KLHL1: variants seen among roughly 807,000 people sequenced by gnomAD.
The protein encoded by KLHL1 is kelch-like protein 1.
A neutral mutation model predicts 77.7 loss-of-function variants in KLHL1; 47 were observed. That is an observed-to-expected ratio of 0.60 (90% CI 0.48 to 0.77). The LOEUF is 0.77. KLHL1 is among the 30% of genes least tolerant of loss of function. KLHL1 has a pLI of 0.00. For missense variants in KLHL1, 925 were observed against 910.8 expected (o/e 1.02, Z -0.20); for synonymous variants, 360 against 325.2 (o/e 1.11, Z -1.15).
At chr13:70,065,635 T>A (rs1372232) in intron 1 of KLHL1, among the ~76,000 whole-genome samples, 150,303 of 152,314 alleles carry the variant, frequency 0.99, 74,187 homozygotes, top group East Asian at 1. Context: ...AATTTTAGGG[T>A]ACAAAAGATT....
At chr13:69,813,532 T>G (rs894844566) in intron 6 of KLHL1, among the ~76,000 whole-genome samples, 1 of 150,256 alleles carries the variant, frequency 6.7e-6, no homozygotes, top group South Asian at 2.1e-4. Context: ...ACCCTAGACT[T>G]GATAAACAAC....
At chr13:69,758,957 C>T (rs769236855) in intron 7 of KLHL1, among the ~76,000 whole-genome samples, 2 of 151,892 alleles carry the variant, frequency 1.3e-5, no homozygotes, top group African/African-American at 4.8e-5. Context: ...ACACAGGTAC[C>T]CTCCCTAATG....
chr13:69,840,981 T>A (rs1879236014), intron 5 of KLHL1, among the ~76,000 whole-genome samples: 1 of 151,976 alleles, frequency 6.6e-6, no homozygotes. Context: ...AATTTATGTA[T>A]ATGTAAAGCT....
intron 1 of KLHL1, among the ~76,000 whole-genome samples, chr13:70,032,372 G>A (rs949285881): frequency 6.6e-6 from 1 of 152,122 alleles, no homozygotes; most frequent in Non-Finnish European, 1.5e-5. Flanking sequence ...TCAGCCCTTA[G>A]ATTTTGACAA....
Position 69,796,905 on chromosome 13 carries a change from A to T in KLHL1, c.1472T>A (p.Met491Lys). ...LRTNLWIQAGMMNGRRLQFGV... is the reference protein window; with the variant it reads ...LRTNLWIQAGKMNGRRLQFGV... ...AAACTGCAGCCTTCTGCCATTCATC[A>T]TCCCTGCCTGGATCCACAGATTTGT... Residue 491 changes from methionine to lysine, a missense_variant, in exon 7 of 11, where the codon ATG (methionine) becomes AAG (lysine). By Grantham distance (95) the Met-to-Lys change is moderately conservative. Coordinates refer to ENST00000377844, the MANE Select transcript of KLHL1 (RefSeq NM_020866.3). 1.2e-6 allele frequency: 2 copies of T among 1,614,124 alleles called. No individual in the cohort carries two copies. The highest frequency in any genetic ancestry group is 1.3e-5 in the African/African-American group (1 of 75,032).
chr13:70,062,007 A>T (rs568862308), intron 1 of KLHL1, among the ~76,000 whole-genome samples: 1 of 152,244 alleles, frequency 6.6e-6, no homozygotes, highest in South Asian at 2.1e-4. Context: ...AGTTAGCCAT[A>T]TTCACCCTGC....
chr13:69,987,440 A>G (rs1884903029), intron 1 of KLHL1, among the ~76,000 whole-genome samples: 1 of 152,096 alleles, frequency 6.6e-6, no homozygotes, highest in Non-Finnish European at 1.5e-5. Flanking sequence ...ATTTTCAGCT[A>G]TTCAATAAAA....
chr13:69,714,898 T>C (rs1290091825), intron 9 of KLHL1, among the ~76,000 whole-genome samples: 1 of 152,134 alleles, frequency 6.6e-6, no homozygotes, highest in Non-Finnish European at 1.5e-5. Context: ...CCGGCCGATA[T>C]CCTTCTATCT....
intron 1 of KLHL1, among the ~76,000 whole-genome samples, chr13:69,994,731 T>C (rs1885108029): frequency 6.6e-6 from 1 of 152,144 alleles, no homozygotes; most frequent in African/African-American, 2.4e-5. Flanking sequence ...CTAAATCTTG[T>C]AGGGGTTAAC....
chr13:69,971,570 T>C (rs1389914390), intron 2 of KLHL1, among the ~76,000 whole-genome samples: 7 of 152,026 alleles, frequency 4.6e-5, no homozygotes. Context: ...TATCTCTACT[T>C]AAAATAGTAT....
At chr13:70,080,035 T>C (rs1887356883) in intron 1 of KLHL1, among the ~76,000 whole-genome samples, 1 of 152,188 alleles carries the variant, frequency 6.6e-6, no homozygotes, top group Non-Finnish European at 1.5e-5. Flanking sequence ...AAGGGATTTG[T>C]GGATAGGTAC....
At position 69,740,538 on chromosome 13, in the gene KLHL1, C is replaced by A; in HGVS notation, c.1658G>T (p.Gly553Val). ...ATGGCCTCCCACAGCATAAATAGGGCCTTCAAGTACTGTTACACCTAAAAT... is the reference window on the plus strand; with the variant it reads ...ATGGCCTCCCACAGCATAAATAGGGACTTCAAGTACTGTTACACCTAAAAT... Reference protein sequence around the residue: ...RHGLGVTVLEGPIYAVGGHDG... With the variant: ...RHGLGVTVLEVPIYAVGGHDG... The change falls in exon 8 of 11, where the codon GGC (glycine) becomes GTC (valine). Residue 553 changes from glycine (G) to valine (V), a missense_variant. Gly to Val is a moderately radical substitution (Grantham distance 109). Coordinates refer to ENST00000377844, the MANE Select transcript of KLHL1 (RefSeq NM_020866.3). 1.2e-6 allele frequency: 2 copies of A among 1,610,492 alleles called. No individual in the cohort carries two copies. Among genetic ancestry groups the A allele is most frequent in the Non-Finnish European group, 1.7e-6 (2 of 1,177,580 alleles).
chr13:69,740,481 C>A lies in KLHL1; in HGVS notation c.1715G>T (p.Arg572Met). 3 of 1,613,012 alleles carry A rather than the reference C, an allele frequency of 1.9e-6. No homozygotes were observed. Among genetic ancestry groups the A allele is most frequent in the Non-Finnish European group, 1.7e-6 (2 of 1,179,216 alleles). ...DGWSYLNTVE[R>M]WDPQSQQWTF... ...CCATTGTTGACTCTGTGGATCCCAC[C>A]TTTCCACTGTATTCAGATAGCTCCA... The change falls in exon 8 of 11, where the codon AGG becomes ATG. Residue 572 changes from arginine to methionine, a missense_variant. By Grantham distance (91) the Arg-to-Met change is moderately conservative. Coordinates refer to ENST00000377844, the MANE Select transcript of KLHL1 (RefSeq NM_020866.3).
At chr13:70,098,124 T>C (rs1301259883) in intron 1 of KLHL1, among the ~76,000 whole-genome samples, 1 of 151,858 alleles carries the variant, frequency 6.6e-6, no homozygotes, top group Non-Finnish European at 1.5e-5. Context: ...TAGATCATAC[T>C]ATGACATTGC....
chr13:69,815,930 TTAAC>T (rs1358399812), intron 6 of KLHL1, among the ~76,000 whole-genome samples: 4 of 151,882 alleles, frequency 2.6e-5, no homozygotes, highest in Admixed American at 2.0e-4. Flanking sequence ...GATAAAGAAA[TTAAC>T]TATACCTTTT....
At chr13:69,875,549 C>T (rs1379878543) in intron 5 of KLHL1, among the ~76,000 whole-genome samples, 3 of 152,080 alleles carry the variant, frequency 2.0e-5, no homozygotes, top group Non-Finnish European at 4.4e-5. Flanking sequence ...AAATTCTTCT[C>T]TATTTTTTGC....
At chr13:69,734,605 T>C (rs8002884) in intron 8 of KLHL1, among the ~76,000 whole-genome samples, 82 of 152,136 alleles carry the variant, frequency 5.4e-4, no homozygotes, top group African/African-American at 1.9e-3. Context: ...CAAAACCATA[T>C]AATGACACTG....
intron 1 of KLHL1, among the ~76,000 whole-genome samples, chr13:70,086,596 AAGAAAGAAAGAAAGAAAG>A (rs1887546680): frequency 5.8e-5 from 2 of 34,354 alleles, no homozygotes; most frequent in African/African-American, 9.3e-5. Context: ...AAAAAAAAGA[AAGAAAGAAAGAAAGAAAG>A]AAAGAAAGAA....
At chr13:69,955,013 T>C (rs1043847257) in intron 3 of KLHL1, among the ~76,000 whole-genome samples, 25 of 151,186 alleles carry the variant, frequency 1.7e-4, no homozygotes, top group Non-Finnish European at 3.3e-4. Context: ...TGGGCAATAA[T>C]AATACATAAA....
Sources: allele counts gnomAD v4.1 joint callset (sites outside exome capture counted in the v4.1 genomes callset), GRCh38; gene constraint gnomAD v4.1.1; transcripts MANE v1.5; gene names NCBI Gene and HGNC (gene_info 2026-07-23, HGNC 2026-07-21).